EYS: variants seen among roughly 807,000 people sequenced by gnomAD.
EYS encodes protein eyes shut homolog.
A neutral mutation model predicts 282.1 loss-of-function variants in EYS; 250 were observed. The observed-to-expected ratio is 0.89, with a 90% CI of 0.80 to 0.98. EYS has a LOEUF of 0.98. Ranked by LOEUF, EYS falls within the 50% of genes least tolerant of loss-of-function variation. EYS has a pLI of 0.00. For missense variants in EYS, 4,016 were observed against 3,709.0 expected (o/e 1.08, Z -2.15); for synonymous variants, 1,355 against 1,282.9 (o/e 1.06, Z -1.20).
chr6:64,947,189 T>A (rs561251585), intron 14 of EYS, among the ~76,000 whole-genome samples: 48 of 151,958 alleles, frequency 3.2e-4, no homozygotes, highest in African/African-American at 1.0e-3. Flanking sequence ...ATATGACCAA[T>A]AATTTAAAGG....
At chr6:63,726,459 T>C (rs757766466) in intron 42 of EYS, 60 bp downstream of exon 42, 42 of 1,401,018 alleles carry the variant, frequency 3.0e-5, no homozygotes, top group Non-Finnish European at 3.9e-5. Context: ...AACACTATCA[T>C]ACATTACTTA....
chr6:65,427,600 T>C (rs1767711520), intron 5 of EYS, among the ~76,000 whole-genome samples: 2 of 152,060 alleles, frequency 1.3e-5, no homozygotes, highest in Non-Finnish European at 2.9e-5. Flanking sequence ...ACTTCGAAGA[T>C]AGGCAGCATA....
chr6:65,559,493 A>G (rs545418385), intron 2 of EYS, among the ~76,000 whole-genome samples: 14 of 152,320 alleles, frequency 9.2e-5, no homozygotes, highest in African/African-American at 3.1e-4. Flanking sequence ...TGATTGCCAC[A>G]TATTCACTCC....
At chr6:64,879,800 GA>G (rs1176927415) in intron 19 of EYS, among the ~76,000 whole-genome samples, 1 of 151,998 alleles carries the variant, frequency 6.6e-6, no homozygotes, top group Non-Finnish European at 1.5e-5. Flanking sequence ...TGGTTAGGGG[GA>G]TAGGGATAAG....
chr6:64,176,300 A>G (rs1429466118), intron 31 of EYS, among the ~76,000 whole-genome samples: 1 of 152,108 alleles, frequency 6.6e-6, no homozygotes. Context: ...AATTATATAT[A>G]TTGGATTTTG....
chr6:65,216,379 T>G (rs1766315274), intron 12 of EYS, among the ~76,000 whole-genome samples: 1 of 152,026 alleles, frequency 6.6e-6, no homozygotes, highest in African/African-American at 2.4e-5. Flanking sequence ...ATATGCATTG[T>G]ATCATGAAAT....
At chr6:65,537,167 G>C (rs2127316160) in intron 2 of EYS, among the ~76,000 whole-genome samples, 1 of 152,164 alleles carries the variant, frequency 6.6e-6, no homozygotes, top group East Asian at 1.9e-4. Flanking sequence ...CGGATACAGG[G>C]AGGGGAACAT....
chr6:63,832,861 A>G (rs541828862), intron 36 of EYS, among the ~76,000 whole-genome samples: 1 of 152,234 alleles, frequency 6.6e-6, no homozygotes, highest in Non-Finnish European at 1.5e-5. Flanking sequence ...CAAAAAGCTT[A>G]TCCACCATGA....
intron 34 of EYS, among the ~76,000 whole-genome samples, chr6:63,998,674 A>G (rs983047268): frequency 6.6e-5 from 10 of 152,186 alleles, no homozygotes; most frequent in African/African-American, 2.4e-4. Context: ...GGCCAATGCA[A>G]ATCTGGAAGA....
intron 32 of EYS, among the ~76,000 whole-genome samples, chr6:64,075,987 A>G (rs923498573): frequency 9.2e-5 from 14 of 152,032 alleles, no homozygotes; most frequent in African/African-American, 3.1e-4. Context: ...GTACTCATTC[A>G]TTTACATATT....
At position 64,155,545 on chromosome 6, in the gene EYS, A is replaced by G. The variant is rs374712585; in HGVS notation, c.6425-73543T>C. On this transcript the variant is annotated intron_variant, in intron 31 of 42. Coordinates refer to ENST00000503581, the MANE Select transcript of EYS (RefSeq NM_001142800.2). ...TTTTAAGGGGTCAATAGAAAGGCTG[A>G]GCTTCACAACGTTGGTCTGACAATA... Among the ~76,000 whole-genome samples, 19 of 152,258 alleles carry G rather than the reference A, an allele frequency of 1.2e-4. No homozygotes were observed. The East Asian group carries it at 3.3e-3, about 26-fold the overall frequency.
intron 2 of EYS, among the ~76,000 whole-genome samples, chr6:65,590,362 T>C (rs2127367370): frequency 6.6e-6 from 1 of 152,222 alleles, no homozygotes; most frequent in African/African-American, 2.4e-5. Context: ...AACTGACACG[T>C]AATATTTATA....
intron 5 of EYS, among the ~76,000 whole-genome samples, chr6:65,446,468 TC>T (rs1018570114): frequency 1.3e-5 from 2 of 151,868 alleles, no homozygotes; most frequent in African/African-American, 4.8e-5. Context: ...GGTACAATCC[TC>T]TGTTTTCATG....
At chr6:65,638,403 C>A (rs1214317663) in intron 2 of EYS, among the ~76,000 whole-genome samples, 1 of 151,458 alleles carries the variant, frequency 6.6e-6, no homozygotes, top group Admixed American at 6.5e-5. Flanking sequence ...GGCTGAAACT[C>A]CCCCCGATCG....
chr6:63,742,325 A>G (rs1462863979), intron 41 of EYS, among the ~76,000 whole-genome samples: 1 of 152,144 alleles, frequency 6.6e-6, no homozygotes. Context: ...GGAAAGCTAC[A>G]GCCAGCCTCT....
At position 65,201,054 on chromosome 6, in the gene EYS, T is replaced by C. The variant is rs144834498; in HGVS notation, c.2023+94809A>G. Reference sequence around the variant, plus strand: ...TTTTGAATAGATGTATTATGGATGATACATAAAAATTAGTTATAACTATCT... The same window carrying C: ...TTTTGAATAGATGTATTATGGATGACACATAAAAATTAGTTATAACTATCT... On this transcript the variant is annotated intron_variant, in intron 12 of 42. Coordinates refer to ENST00000503581, the MANE Select transcript of EYS (RefSeq NM_001142800.2). 4.2e-4 allele frequency among the ~76,000 whole-genome samples: 64 copies of C among 152,298 alleles called. No homozygotes were observed. The East Asian group carries it at 8.1e-3, about 19-fold the overall frequency.
At chr6:64,487,449 T>A (rs1776609217) in intron 26 of EYS, among the ~76,000 whole-genome samples, 1 of 151,106 alleles carries the variant, frequency 6.6e-6, no homozygotes, top group South Asian at 2.1e-4. Context: ...GGTCATTTCC[T>A]TAGTACAGCA....
At chr6:63,920,924 ACT>A (rs1409259857) in intron 35 of EYS, among the ~76,000 whole-genome samples, 2 of 149,532 alleles carry the variant, frequency 1.3e-5, no homozygotes, top group African/African-American at 4.9e-5. Context: ...ACAGAGTCTC[ACT>A]CTGTTGCCCA....
chr6:64,009,194 C>T (rs193281376), intron 33 of EYS, among the ~76,000 whole-genome samples: 5 of 151,712 alleles, frequency 3.3e-5, no homozygotes, highest in Admixed American at 1.3e-4. Flanking sequence ...TTTTGTCTGA[C>T]TGAGTTATTT....
Sources: allele counts gnomAD v4.1 joint callset (sites outside exome capture counted in the v4.1 genomes callset), GRCh38; gene constraint gnomAD v4.1.1; transcripts MANE v1.5; gene names NCBI Gene and HGNC (gene_info 2026-07-23, HGNC 2026-07-21).